Variants in PLCXD3 observed in about 807,000 individuals in gnomAD.
PLCXD3 encodes phosphatidylinositol specific phospholipase C X domain containing 3, also known as PI-PLC X domain-containing protein 3.
In PLCXD3, 19 loss-of-function variants were observed where a neutral mutation model predicts 25.5. The ratio of observed to expected loss-of-function variants is 0.75; its 90% CI spans 0.52 to 1.09. The LOEUF (loss-of-function observed/expected upper bound fraction) is 1.09. Among genes scored for constraint, PLCXD3 ranks in the 50% least tolerant of loss-of-function variants. PLCXD3 has a pLI of 0.00. For synonymous variants in PLCXD3, 174 were observed against 137.6 expected (o/e 1.26, Z -1.85); for missense variants, 411 against 388.1 (o/e 1.06, Z -0.50).
rs115495617 is a variant in PLCXD3, at chr5:41,487,733, G to A, written c.103+22691C>T. 7.2e-3 allele frequency among the ~76,000 whole-genome samples: 1,094 copies of A among 152,214 alleles called. 13 individuals carry two copies. Among genetic ancestry groups the A allele is most frequent in the African/African-American group, 0.025 (1,026 of 41,532 alleles). Reference sequence around the variant, plus strand: ...GAGGAAAAGAAGGAAGCCTAGTGATGATCTGGAGGAAGATGCCAACGAAAT... The same window carrying A: ...GAGGAAAAGAAGGAAGCCTAGTGATAATCTGGAGGAAGATGCCAACGAAAT... On this transcript the variant is annotated intron_variant, in intron 1 of 2. Coordinates refer to ENST00000377801, the MANE Select transcript of PLCXD3 (RefSeq NM_001005473.3).
chr5:41,508,123 T>C (rs530754847), intron 1 of PLCXD3, among the ~76,000 whole-genome samples: 1 of 152,278 alleles, frequency 6.6e-6, no homozygotes, highest in Admixed American at 6.5e-5. Flanking sequence ...AGGGGAAGCT[T>C]TACAGGAGAT....
At chr5:41,324,439 C>T (rs1336893608) in intron 2 of PLCXD3, among the ~76,000 whole-genome samples, 2 of 152,154 alleles carry the variant, frequency 1.3e-5, no homozygotes, top group African/African-American at 4.8e-5. Flanking sequence ...TCCTGTCAGA[C>T]CCAGATAGAG....
intron 2 of PLCXD3, among the ~76,000 whole-genome samples, chr5:41,359,393 GT>G (rs1289846232): frequency 1.3e-5 from 2 of 152,008 alleles, no homozygotes; most frequent in East Asian, 3.9e-4. Flanking sequence ...CAACCTTGCT[GT>G]TTGTTATTGG....
Position 41,307,071 on chromosome 5 carries a change from A to AT in PLCXD3, c.*6545dup, listed in dbSNP as rs1183563907. On this transcript the variant is annotated 3_prime_UTR_variant, in exon 3 of 3. Transcript: ENST00000377801. ...TTTTCTATACAGACTGTAGCCATGG[A>AT]TTTTCTTTACACCACATTTATTAAA... 2.6e-5 allele frequency: 4 copies of AT among 152,676 alleles called. No individual in the cohort carries two copies. Among genetic ancestry groups the AT allele is most frequent in the Non-Finnish European group, 4.4e-5 (3 of 67,994 alleles). 9.5% of individuals were successfully genotyped at this position (152,676 alleles called of 1,614,324 possible). A position where few individuals can be genotyped will look rare whatever the true frequency, so the allele number is the denominator to read the frequency against.
intron 1 of PLCXD3, among the ~76,000 whole-genome samples, chr5:41,508,480 G>C (rs1170377052): frequency 1.3e-5 from 2 of 152,212 alleles, no homozygotes; most frequent in East Asian, 3.8e-4. Flanking sequence ...TCTTCACTTA[G>C]CTTCAGTTTT....
intron 2 of PLCXD3, among the ~76,000 whole-genome samples, chr5:41,329,005 G>A (rs938046913): frequency 1.4e-4 from 22 of 152,280 alleles, no homozygotes; most frequent in African/African-American, 5.1e-4. Context: ...GGCCACTAGA[G>A]GTTTCTTCAG....
At chr5:41,328,069 T>A (rs907934270) in intron 2 of PLCXD3, among the ~76,000 whole-genome samples, 10 of 152,064 alleles carry the variant, frequency 6.6e-5, no homozygotes, top group African/African-American at 2.2e-4. Context: ...AAAAAAAAAA[T>A]TTCATAGCAC....
At chr5:41,348,073 A>T (rs1192057947) in intron 2 of PLCXD3, among the ~76,000 whole-genome samples, 3 of 152,202 alleles carry the variant, frequency 2.0e-5, no homozygotes. Flanking sequence ...ACTTTTTCCA[A>T]GTTATTAGTT....
At position 41,382,010 on chromosome 5, in the gene PLCXD3, G is replaced by A; in HGVS notation, c.628C>T (p.Gln210Ter). ...ALEVPFLWPG[Q>*]MMPAPWANTT... The stretch of plus-strand genomic sequence containing the variant: ...TTGGCCCAGGGTGCTGGCATCATCT[G>A]CCCAGGCCAGAGAAAGGGCACTTCC... The change falls in exon 2 of 3, where the codon CAG becomes TAG. Residue 210 changes from glutamine to a stop codon, truncating the protein, a stop_gained. Coordinates refer to ENST00000377801, the MANE Select transcript of PLCXD3 (RefSeq NM_001005473.3). LOFTEE classifies it high-confidence loss of function. The A allele has an allele frequency of 6.2e-7, 1 of 1,613,510 alleles. No individual in the cohort carries two copies. The highest frequency in any genetic ancestry group is 8.5e-7 in the Non-Finnish European group (1 of 1,179,730).
At chr5:41,473,543 C>T (rs573002031) in intron 1 of PLCXD3, among the ~76,000 whole-genome samples, 27 of 152,126 alleles carry the variant, frequency 1.8e-4, no homozygotes, top group African/African-American at 5.5e-4. Context: ...CCCAGGTTCA[C>T]GCCATTCTCC....
At chr5:41,415,669 TC>T (rs1422707777) in intron 1 of PLCXD3, among the ~76,000 whole-genome samples, 1 of 152,002 alleles carries the variant, frequency 6.6e-6, no homozygotes, top group Non-Finnish European at 1.5e-5. Context: ...GACTCAAAGT[TC>T]CCCCAAAAAA....
chr5:41,509,625 C>T (rs985699246), intron 1 of PLCXD3, among the ~76,000 whole-genome samples: 2 of 152,230 alleles, frequency 1.3e-5, no homozygotes, highest in Admixed American at 6.5e-5. Flanking sequence ...TACTATTTGC[C>T]TATTAATCCC....
At chr5:41,353,680 AATT>A (rs1744538078) in intron 2 of PLCXD3, among the ~76,000 whole-genome samples, 1 of 152,214 alleles carries the variant, frequency 6.6e-6, no homozygotes, top group Non-Finnish European at 1.5e-5. Context: ...ATAATAAATG[AATT>A]ATTAGGTAAA....
chr5:41,311,344 AT>A lies in PLCXD3; in HGVS notation c.*2272del, dbSNP rs1259591811. ...AAAATGGAAAGAAGAGAAGAAATAT[AT>A]TTTAAAAATAATTAAGTCCTACACT... On this transcript the variant is annotated 3_prime_UTR_variant, in exon 3 of 3. Transcript: ENST00000377801. 1.3e-5 allele frequency: 2 copies of A among 152,166 alleles called. No homozygotes were observed. The highest frequency in any genetic ancestry group is 2.9e-5 in the Non-Finnish European group (2 of 68,000). 9.4% of individuals were successfully genotyped at this position (152,166 alleles called of 1,614,324 possible). A position where few individuals can be genotyped will look rare whatever the true frequency, so the allele number is the denominator to read the frequency against.
At chr5:41,489,909 A>T (rs916797995) in intron 1 of PLCXD3, among the ~76,000 whole-genome samples, 9 of 151,742 alleles carry the variant, frequency 5.9e-5, no homozygotes, top group African/African-American at 2.2e-4. Context: ...CTCTTTTCCT[A>T]ATTGAATACC....
At chr5:41,394,240 A>G (rs1745929441) in intron 1 of PLCXD3, among the ~76,000 whole-genome samples, 1 of 152,208 alleles carries the variant, frequency 6.6e-6, no homozygotes, top group Non-Finnish European at 1.5e-5. Context: ...AATAATGTTT[A>G]TAAGATAGCA....
At chr5:41,458,329 G>A (rs1747802156) in intron 1 of PLCXD3, among the ~76,000 whole-genome samples, 2 of 151,842 alleles carry the variant, frequency 1.3e-5, no homozygotes, top group South Asian at 4.1e-4. Context: ...AAAAGTGAAA[G>A]ATTAGACAGA....
chr5:41,500,705 A>AATAAC (rs1748933426), intron 1 of PLCXD3, among the ~76,000 whole-genome samples: 2 of 151,892 alleles, frequency 1.3e-5, no homozygotes, highest in African/African-American at 4.8e-5. Context: ...ACAGGCACCA[A>AATAAC]AAGCAAAAAT....
At chr5:41,431,096 G>C (rs1402834383) in intron 1 of PLCXD3, among the ~76,000 whole-genome samples, 3 of 152,092 alleles carry the variant, frequency 2.0e-5, no homozygotes, top group African/African-American at 7.3e-5. Flanking sequence ...CAGAACGTCA[G>C]AGTTAGAGAG....
Sources: allele counts gnomAD v4.1 joint callset (sites outside exome capture counted in the v4.1 genomes callset), GRCh38; gene constraint gnomAD v4.1.1; transcripts MANE v1.5; gene names NCBI Gene and HGNC (gene_info 2026-07-23, HGNC 2026-07-21).